Variants in DPP6 observed in about 807,000 individuals in gnomAD.
DPP6 encodes A-type potassium channel modulatory protein DPP6.
Under a neutral mutation model 122.6 loss-of-function variants are expected in DPP6, and 69 were observed. The ratio of observed to expected loss-of-function variants is 0.56; its 90% confidence interval spans 0.46 to 0.69. The LOEUF (loss-of-function observed/expected upper bound fraction) is 0.69. Among genes scored for constraint, DPP6 ranks in the 30% least tolerant of loss-of-function variants. The probability of loss-of-function intolerance (pLI) is 0.00; values close to 1 mark genes in which losing one functional copy is unlikely to be tolerated. For missense variants in DPP6, 928 were observed against 1,116.9 expected, an observed-to-expected ratio of 0.83 and a Z score of 2.41; for synonymous variants, 418 against 433.1, an observed-to-expected ratio of 0.97 and a Z score of 0.43.
intron 1 of DPP6, among the ~76,000 whole-genome samples, chr7:154,330,326 G>A (rs575397142): frequency 2.6e-5 from 4 of 152,288 alleles, no homozygotes; most frequent in South Asian, 2.1e-4. Context: ...GTATTGGGTC[G>A]AGGGAGAAAA....
intron 3 of DPP6, among the ~76,000 whole-genome samples, chr7:154,508,610 A>G (rs975322338): frequency 1.3e-5 from 2 of 152,194 alleles, no homozygotes; most frequent in African/African-American, 2.4e-5. Context: ...AGTGCCTAGG[A>G]GGAAAAAGAC....
At chr7:154,641,958 A>T (rs1836129415) in intron 6 of DPP6, among the ~76,000 whole-genome samples, 1 of 152,182 alleles carries the variant, frequency 6.6e-6, no homozygotes, top group South Asian at 2.1e-4. Flanking sequence ...ACTGTGAAAA[A>T]ATTGTGTTCC....
intron 9 of DPP6, among the ~76,000 whole-genome samples, chr7:154,772,489 C>G (rs1796305922): frequency 6.6e-6 from 1 of 152,144 alleles, no homozygotes; most frequent in African/African-American, 2.4e-5. Flanking sequence ...ATCATTTGCT[C>G]ACCTCCAACT....
In DPP6 at chr7:154,517,354, C is replaced by G. The variant is rs1826604600; in HGVS notation, c.458-23178C>G. 2.0e-5 allele frequency among the ~76,000 whole-genome samples: 3 copies of G among 152,226 alleles called. No individual in the cohort carries two copies. The South Asian group carries it at 6.2e-4, about 32-fold the overall frequency. ...ATTCTGCTTGGAGAAGGAGAAGATC[C>G]TACAGATGAGCTTCTCCACAGGGTG... On this transcript the variant is annotated intron_variant, in intron 3 of 25. Transcript: ENST00000377770.
chr7:154,671,752 A>G (rs1023670325), intron 7 of DPP6, among the ~76,000 whole-genome samples: 1 of 152,152 alleles, frequency 6.6e-6, no homozygotes, highest in Non-Finnish European at 1.5e-5. Context: ...GGAGGGGATA[A>G]GTGATTATAG....
intron 1 of DPP6, among the ~76,000 whole-genome samples, chr7:154,402,708 C>T (rs1451643977): frequency 8.0e-5 from 12 of 150,518 alleles, no homozygotes; most frequent in Non-Finnish European, 1.6e-4. Flanking sequence ...TGTAACTAAC[C>T]TGCACAATGT....
chr7:154,309,523 A>C (rs778286567), intron 1 of DPP6, among the ~76,000 whole-genome samples: 2 of 152,214 alleles, frequency 1.3e-5, no homozygotes, highest in Non-Finnish European at 2.9e-5. Context: ...CCGGAAGGGC[A>C]CATAGGTAAT....
At chr7:154,595,209 T>G (rs1210898204) in intron 5 of DPP6, among the ~76,000 whole-genome samples, 2 of 152,114 alleles carry the variant, frequency 1.3e-5, no homozygotes, top group East Asian at 3.9e-4. Flanking sequence ...GTTGCCATCT[T>G]CCTGCCCTTG....
At position 154,876,625 on chromosome 7, in the gene DPP6, C is replaced by T. The variant is rs182652530; in HGVS notation, c.2078+525C>T. Reference sequence around the variant, plus strand: ...CTTTTGTTCTGTCATTCCTGTGCATCCCTATCACTGACTCAGCAAGAGCAA... The same window carrying T: ...CTTTTGTTCTGTCATTCCTGTGCATTCCTATCACTGACTCAGCAAGAGCAA... On this transcript the variant is annotated intron_variant, in intron 20 of 25. Transcript: ENST00000377770. 1.5e-3 allele frequency among the ~76,000 whole-genome samples: 232 copies of T among 152,320 alleles called. 1 individual carries two copies. Among genetic ancestry groups the T allele is most frequent in the Non-Finnish European group, 2.8e-3 (191 of 68,036 alleles).
In DPP6 at chr7:154,494,546, T is replaced by A. The variant is rs1236081714; in HGVS notation, c.457+19509T>A. ...AAAATCTAGGATGAATATGTTCTTATAATTTTTGTTTCTTTCTATATTTCA... is the reference window on the plus strand; with the variant it reads ...AAAATCTAGGATGAATATGTTCTTAAAATTTTTGTTTCTTTCTATATTTCA... On this transcript the variant is annotated intron_variant, in intron 3 of 25. Coordinates refer to ENST00000377770, the MANE Select transcript of DPP6 (RefSeq NM_130797.4). Among the ~76,000 whole-genome samples the A allele has an allele frequency of 2.0e-5, 3 of 152,088 alleles. No individual in the cohort carries two copies. In the East Asian group the frequency reaches 5.8e-4, roughly 29 times the overall value.
chr7:154,820,333 G>A (rs996972000), intron 16 of DPP6, among the ~76,000 whole-genome samples: 6 of 152,102 alleles, frequency 3.9e-5, no homozygotes, highest in African/African-American at 7.2e-5. Flanking sequence ...TCCAGAAGGC[G>A]TCACCTTTAC....
chr7:154,714,440 G>C (rs936781959), intron 7 of DPP6, among the ~76,000 whole-genome samples: 1 of 152,194 alleles, frequency 6.6e-6, no homozygotes, highest in Non-Finnish European at 1.5e-5. Context: ...AAAAGAAGGA[G>C]GTTTAATTGA....
intron 21 of DPP6, chr7:154,884,055 C>T (rs1401845028): frequency 6.7e-6 from 1 of 149,352 alleles, no homozygotes; most frequent in Non-Finnish European, 1.5e-5. Flanking sequence ...CACACATACC[C>T]ATACATGCTC....
At chr7:154,441,442 C>T (rs1391534580) in intron 1 of DPP6, among the ~76,000 whole-genome samples, 1 of 152,136 alleles carries the variant, frequency 6.6e-6, no homozygotes, top group East Asian at 1.9e-4. Flanking sequence ...ATCCTGATAA[C>T]ACCTATGCAA....
chr7:154,808,301 C>T (rs1028020065), intron 16 of DPP6, among the ~76,000 whole-genome samples: 12 of 152,170 alleles, frequency 7.9e-5, no homozygotes, highest in African/African-American at 2.7e-4. Context: ...CTTGAAAATC[C>T]GCAGAACAGG....
intron 10 of DPP6, among the ~76,000 whole-genome samples, chr7:154,784,508 AAAGGACAGGAAAAAAATGTAC>A (rs367585056): frequency 2.0e-5 from 3 of 152,122 alleles, no homozygotes; most frequent in African/African-American, 7.2e-5. Context: ...TTTTTTTCTA[AAAGGACAGGAAAAAAATGTAC>A]ACTCAGTGAG....
chr7:154,183,595 C>T (rs1010714585), intron 1 of DPP6, among the ~76,000 whole-genome samples: 10 of 152,202 alleles, frequency 6.6e-5, no homozygotes, highest in Admixed American at 6.5e-4. Context: ...TTCCTCCCCT[C>T]CTCCTTTCCT....
At chr7:153,973,994 A>G (rs1796165647) in intron 1 of DPP6, among the ~76,000 whole-genome samples, 1 of 151,940 alleles carries the variant, frequency 6.6e-6, no homozygotes, top group African/African-American at 2.4e-5. Context: ...AGTCCTGCAG[A>G]CAACCGTGAA....
At position 154,885,809 on chromosome 7, in the gene DPP6, T is replaced by C; in HGVS notation, c.2245+65T>C. On this transcript the variant is annotated intron_variant, in intron 22 of 25. Coordinates refer to ENST00000377770, the MANE Select transcript of DPP6 (RefSeq NM_130797.4). ...CGCCCCGCCCCGCCCCCTGCCTGCG[T>C]GGCCCCACAGCCCTCCCTTCAGCAC... 3 of 1,481,324 alleles carry C rather than the reference T, an allele frequency of 2.0e-6. No homozygotes were observed. In the South Asian group the frequency reaches 3.7e-5, roughly 18 times the overall value. 91.8% of individuals were successfully genotyped at this position (1,481,324 alleles called of 1,614,324 possible).
Sources: gnomAD v4.1 joint callset for allele counts (sites outside exome capture counted in the v4.1 genomes callset) on GRCh38, gnomAD v4.1.1 for gene constraint, MANE v1.5 for transcripts, NCBI Gene and HGNC (gene_info 2026-07-23, HGNC 2026-07-21) for gene names.